TNS3: variants seen among roughly 807,000 people sequenced by gnomAD.
TNS3 encodes the protein tensin 3.
In TNS3, 45 loss-of-function variants were observed where a neutral mutation model predicts 140.9. That is an observed-to-expected ratio of 0.32 (90% CI 0.25 to 0.41). The LOEUF (loss-of-function observed/expected upper bound fraction) is 0.41. Ranked by LOEUF, TNS3 falls within the 10% of genes least tolerant of loss-of-function variation. The pLI is 1.00. For missense variants in TNS3, 1,716 were observed against 1,906.7 expected (o/e 0.90, Z 1.86); for synonymous variants, 815 against 788.4 (o/e 1.03, Z -0.56).
At chr7:47,304,668 T>A (rs1400643699) in intron 21 of TNS3, among the ~76,000 whole-genome samples, 164 bp downstream of exon 21, 1 of 152,198 alleles carries the variant, frequency 6.6e-6, no homozygotes, top group Admixed American at 6.5e-5. Context: ...AGCAGTGTCG[T>A]GCACACAGCC....
intron 1 of TNS3, chr7:47,539,564 G>A (rs773849576): frequency 5.1e-5 from 9 of 175,786 alleles, no homozygotes; most frequent in Non-Finnish European, 9.7e-5. Flanking sequence ...GCGCCCTTGG[G>A]CTCACTTGGG....
chr7:47,481,639 G>T, intron 3 of TNS3: 1 of 984,164 alleles, frequency 1.0e-6, no homozygotes, highest in Non-Finnish European at 1.2e-6. Flanking sequence ...GAGTCTGAAT[G>T]TGGCAATGTC....
At chr7:47,344,707 G>A in intron 20 of TNS3, 48 bp downstream of exon 20, 3 of 1,552,338 alleles carry the variant, frequency 1.9e-6, no homozygotes, top group Non-Finnish European at 2.6e-6. Flanking sequence ...ACCCCGCGAT[G>A]CAGCGCCTGA....
At chr7:47,449,573 T>A (rs927105660) in intron 4 of TNS3, among the ~76,000 whole-genome samples, 1 of 152,198 alleles carries the variant, frequency 6.6e-6, no homozygotes, top group African/African-American at 2.4e-5. Context: ...ACCTGAGTCA[T>A]ATGTTCCTTT....
intron 17 of TNS3, among the ~76,000 whole-genome samples, chr7:47,361,107 C>T (rs1266865982): frequency 2.7e-5 from 4 of 150,726 alleles, no homozygotes; most frequent in Non-Finnish European, 5.9e-5. Context: ...CCCCATCCTG[C>T]CTAAATGCTA....
At chr7:47,522,976 T>C (rs147917026) in intron 2 of TNS3, among the ~76,000 whole-genome samples, 6 of 152,052 alleles carry the variant, frequency 3.9e-5, no homozygotes, top group African/African-American at 1.4e-4. Context: ...CCTAGAGCTA[T>C]GTGCATAAAA....
chr7:47,387,249 C>T (rs1336932692), intron 16 of TNS3, among the ~76,000 whole-genome samples: 1 of 152,196 alleles, frequency 6.6e-6, no homozygotes, highest in Non-Finnish European at 1.5e-5. Context: ...CAAGGTGGGG[C>T]TGGGGCTGTG....
rs752763153 is a variant in TNS3, at chr7:47,303,540, G to T, written c.2867C>A (p.Pro956His). Residue 956 changes from proline (P) to histidine (H), a missense_variant, in exon 22 of 31, where the codon CCC (proline) becomes CAC (histidine). By Grantham distance (77) the Pro-to-His change is moderately conservative. Transcript: ENST00000311160. ...GCCGCTCCCCAGCAGGGAAACCATGGGCTTGGGGCTGCTCTCCACCCACTG... is the reference window on the plus strand; with the variant it reads ...GCCGCTCCCCAGCAGGGAAACCATGTGCTTGGGGCTGCTCTCCACCCACTG... ...ERQWVESSPK[P>H]MVSLLGSGRP... is the part of the protein sequence containing the mutation. 13 of 1,604,006 alleles carry T rather than the reference G, an allele frequency of 8.1e-6. No individual in the cohort carries two copies. The South Asian group carries it at 1.3e-4, about 16-fold the overall frequency.
intron 2 of TNS3, among the ~76,000 whole-genome samples, chr7:47,515,705 G>A (rs550295052): frequency 1.1e-4 from 17 of 151,184 alleles, no homozygotes; most frequent in Admixed American, 8.6e-4. Context: ...CATCAATCAC[G>A]CCACCACCCA....
intron 16 of TNS3, among the ~76,000 whole-genome samples, chr7:47,390,281 T>C (rs956833519): frequency 1.3e-5 from 2 of 152,204 alleles, no homozygotes; most frequent in African/African-American, 2.4e-5. Context: ...GGAGGAAAGT[T>C]TTCAAATCCA....
chr7:47,414,165 C>A (rs116429512), intron 11 of TNS3, among the ~76,000 whole-genome samples, 168 bp from the exon 12 acceptor site: 2,178 of 152,184 alleles, frequency 0.014, 54 homozygotes, highest in African/African-American at 0.05. Context: ...AGGAAAAGGC[C>A]GGACCCGGTC....
chr7:47,457,462 G>A (rs1796308225), intron 4 of TNS3, among the ~76,000 whole-genome samples: 2 of 152,062 alleles, frequency 1.3e-5, no homozygotes, highest in Non-Finnish European at 1.5e-5. Flanking sequence ...ACCTATCTCA[G>A]AGACAGGCCC....
rs565525095 is a variant in TNS3, at chr7:47,444,834, T to C, written c.-75-2779A>G. Among the ~76,000 whole-genome samples, 16 of 152,308 alleles carry C rather than the reference T, an allele frequency of 1.1e-4. No homozygotes were observed. The East Asian group carries it at 1.2e-3, about 11-fold the overall frequency. On this transcript the variant is annotated intron_variant, in intron 4 of 30. Coordinates refer to ENST00000311160, the MANE Select transcript of TNS3 (RefSeq NM_022748.12). ...CTTTTAAACCAATAGTTATATAATT[T>C]CTAAGGTCAAGGCCAATGGAGGAAA... is the stretch of plus-strand genomic sequence containing the variant.
chr7:47,397,994 C>A (rs1190195922), intron 15 of TNS3, among the ~76,000 whole-genome samples: 3 of 152,054 alleles, frequency 2.0e-5, no homozygotes, highest in Non-Finnish European at 2.9e-5. Context: ...CGAAACATTA[C>A]AACCAGCACG....
chr7:47,559,566 A>T (rs1187246744), intron 1 of TNS3, among the ~76,000 whole-genome samples: 1 of 152,076 alleles, frequency 6.6e-6, no homozygotes, highest in East Asian at 1.9e-4. Flanking sequence ...CAGAGAATGG[A>T]GAACAAGAGG....
intron 13 of TNS3, among the ~76,000 whole-genome samples, chr7:47,408,804 G>A (rs74939598): frequency 0.04 from 6,028 of 152,174 alleles, 176 homozygotes; most frequent in Non-Finnish European, 0.06. Flanking sequence ...TCAAGCCTGG[G>A]ATGCTTCATC....
chr7:47,443,369 C>T (rs572484669), intron 4 of TNS3, among the ~76,000 whole-genome samples: 21 of 152,226 alleles, frequency 1.4e-4, no homozygotes, highest in African/African-American at 4.6e-4. Flanking sequence ...CCCGCCCACC[C>T]CTGACATCTG....
chr7:47,582,348 A>T (rs1784557413), upstream of TNS3: 1 of 445,568 alleles, frequency 2.2e-6, no homozygotes, highest in Admixed American at 2.4e-5. Flanking sequence ...GAGGACCTGG[A>T]ATTATCAGAC....
chr7:47,437,803 TAAA>T (rs1388238802), intron 6 of TNS3, among the ~76,000 whole-genome samples: 13 of 73,940 alleles, frequency 1.8e-4, no homozygotes, highest in East Asian at 4.0e-4. Context: ...ATATATAATA[TAAA>T]ATATATATAC....
Sources: gnomAD v4.1 joint callset for allele counts (sites outside exome capture counted in the v4.1 genomes callset) on GRCh38, gnomAD v4.1.1 for gene constraint, MANE v1.5 for transcripts, NCBI Gene and HGNC (gene_info 2026-07-23, HGNC 2026-07-21) for gene names.